Variants in SPOCK1 observed in about 807,000 individuals in gnomAD.
SPOCK1 encodes SPARC (osteonectin), cwcv and kazal like domains proteoglycan 1, also known as testican-1.
A neutral mutation model predicts 55.3 loss-of-function variants in SPOCK1; 23 were observed. The observed-to-expected ratio is 0.42, with a 90% CI of 0.30 to 0.59. The LOEUF (loss-of-function observed/expected upper bound fraction) is 0.59. Among genes scored for constraint, SPOCK1 ranks in the 20% least tolerant of loss-of-function variants. The pLI, the probability that SPOCK1 is intolerant of heterozygous loss-of-function variation, is 0.22. For missense variants in SPOCK1, 499 were observed against 552.5 expected, an observed-to-expected ratio of 0.90 and a Z score of 0.97; for synonymous variants, 226 against 221.0, an observed-to-expected ratio of 1.02 and a Z score of -0.20.
At chr5:136,989,919 C>CT (rs371960303) in intron 7 of SPOCK1, among the ~76,000 whole-genome samples, 22 of 151,214 alleles carry the variant, frequency 1.5e-4, no homozygotes, top group East Asian at 3.9e-4. Context: ...TGTACCCACT[C>CT]TTTTTTTTTG....
rs1339433683 is a variant in SPOCK1 at position 136,976,770 on chromosome 5, G to GTTAT, written c.*1880_*1883dup. ...GGGAAAGTAAGTACAAAACCTCAGG[G>GTTAT]TTATTTACGAAGCCAAAGGACTTTG... On this transcript the variant is annotated 3_prime_UTR_variant, in exon 11 of 11. Coordinates refer to ENST00000394945, the MANE Select transcript of SPOCK1 (RefSeq NM_004598.4). 1 of 152,154 alleles carries GTTAT rather than the reference G, an allele frequency of 6.6e-6. No homozygotes were observed. The highest frequency in any genetic ancestry group is 1.5e-5 in the Non-Finnish European group (1 of 68,030). The allele number at this position is 152,154 out of a possible 1,614,324, so 9.4% of individuals were successfully genotyped here.
chr5:137,037,672 G>A (rs984188666), intron 6 of SPOCK1, among the ~76,000 whole-genome samples: 1 of 152,128 alleles, frequency 6.6e-6, no homozygotes, highest in Non-Finnish European at 1.5e-5. Flanking sequence ...TTTCTCTGGG[G>A]TGAGCTGTAT....
chr5:137,251,162 C>CA (rs1245876215), intron 3 of SPOCK1, among the ~76,000 whole-genome samples: 1 of 152,168 alleles, frequency 6.6e-6, no homozygotes, highest in Non-Finnish European at 1.5e-5. Flanking sequence ...AAAGACCACA[C>CA]AGCTGTCTGA....
At chr5:137,457,856 A>T (rs1753398312) in intron 2 of SPOCK1, among the ~76,000 whole-genome samples, 1 of 152,224 alleles carries the variant, frequency 6.6e-6, no homozygotes, top group Non-Finnish European at 1.5e-5. Flanking sequence ...AGTTTTAAAC[A>T]AAGTGGGAGC....
At chr5:137,486,067 A>G (rs1425187754) in intron 2 of SPOCK1, among the ~76,000 whole-genome samples, 3 of 152,132 alleles carry the variant, frequency 2.0e-5, no homozygotes, top group Non-Finnish European at 4.4e-5. Flanking sequence ...TTATTCCTCC[A>G]TTTACTACAG....
chr5:137,345,014 G>A (rs949389677), intron 2 of SPOCK1, among the ~76,000 whole-genome samples: 1 of 152,126 alleles, frequency 6.6e-6, no homozygotes, highest in Non-Finnish European at 1.5e-5. Context: ...ACTTCTCCAC[G>A]AAAATACAAT....
At chr5:137,075,547 T>A (rs1473183035) in intron 5 of SPOCK1, among the ~76,000 whole-genome samples, 1 of 152,278 alleles carries the variant, frequency 6.6e-6, no homozygotes, top group East Asian at 1.9e-4. Context: ...GCTCATTTTC[T>A]TACCTTGTTT....
intron 5 of SPOCK1, among the ~76,000 whole-genome samples, chr5:137,075,675 A>C (rs1468298053): frequency 6.6e-6 from 1 of 152,184 alleles, no homozygotes; most frequent in Non-Finnish European, 1.5e-5. Flanking sequence ...AGTTTCTCTA[A>C]ACTGTGTGAC....
intron 3 of SPOCK1, among the ~76,000 whole-genome samples, chr5:137,199,806 C>G (rs1342477118): frequency 6.6e-6 from 1 of 152,154 alleles, no homozygotes; most frequent in African/African-American, 2.4e-5. Flanking sequence ...ACATGCCCAA[C>G]CTGGGTCCCT....
intron 2 of SPOCK1, among the ~76,000 whole-genome samples, chr5:137,491,542 G>A (rs1208237623): frequency 1.3e-5 from 2 of 152,266 alleles, no homozygotes; most frequent in African/African-American, 4.8e-5. Context: ...TCTGAGTGGG[G>A]CTCTGTGGTA....
At chr5:137,120,612 G>A (rs1580761109) in intron 4 of SPOCK1, among the ~76,000 whole-genome samples, 1 of 152,156 alleles carries the variant, frequency 6.6e-6, no homozygotes, top group Non-Finnish European at 1.5e-5. Flanking sequence ...TGAGTAAAGA[G>A]GCACACACCA....
chr5:137,404,098 C>G (rs1172635503), intron 2 of SPOCK1, among the ~76,000 whole-genome samples: 1 of 152,202 alleles, frequency 6.6e-6, no homozygotes, highest in Non-Finnish European at 1.5e-5. Context: ...CAATAACTCA[C>G]TGAGCGTATC....
chr5:137,424,838 T>C (rs536034831), intron 2 of SPOCK1, among the ~76,000 whole-genome samples: 42 of 152,308 alleles, frequency 2.8e-4, no homozygotes, highest in Middle Eastern at 3.4e-3. Flanking sequence ...GGACTGAGTA[T>C]AAAGGGGCAT....
At chr5:137,175,979 C>T (rs959118052) in intron 3 of SPOCK1, among the ~76,000 whole-genome samples, 1 of 152,120 alleles carries the variant, frequency 6.6e-6, no homozygotes, top group African/African-American at 2.4e-5. Context: ...TTGCACTGCC[C>T]ACATGTATTT....
chr5:137,325,349 T>G (rs1337288553), intron 2 of SPOCK1, among the ~76,000 whole-genome samples: 1 of 152,174 alleles, frequency 6.6e-6, no homozygotes, highest in Non-Finnish European at 1.5e-5. Context: ...GGAAGCCACA[T>G]GGTTTCTGGC....
At chr5:137,070,461 G>A (rs1193714912) in intron 5 of SPOCK1, among the ~76,000 whole-genome samples, 1 of 152,164 alleles carries the variant, frequency 6.6e-6, no homozygotes, top group Non-Finnish European at 1.5e-5. Flanking sequence ...ACAGAGCCCT[G>A]GCATAGAGTA....
intron 8 of SPOCK1, among the ~76,000 whole-genome samples, chr5:136,987,274 T>C (rs1561571625): frequency 6.6e-6 from 1 of 152,176 alleles, no homozygotes; most frequent in Non-Finnish European, 1.5e-5. Flanking sequence ...GCATGAACTG[T>C]AATTTGGGAA....
At chr5:137,085,108 G>A (rs1170756961) in intron 5 of SPOCK1, among the ~76,000 whole-genome samples, 1 of 152,146 alleles carries the variant, frequency 6.6e-6, no homozygotes, top group Non-Finnish European at 1.5e-5. Context: ...AGAACCTTCA[G>A]TGCTGAGAGT....
At chr5:137,068,013 A>C (rs572435778) in intron 5 of SPOCK1, among the ~76,000 whole-genome samples, 184 bp from the exon 6 acceptor site, 1 of 152,328 alleles carries the variant, frequency 6.6e-6, no homozygotes, top group African/African-American at 2.4e-5. Context: ...ATTTTACCAA[A>C]TGCAGAGGAT....
Sources: gnomAD v4.1 joint callset for allele counts (sites outside exome capture counted in the v4.1 genomes callset) on GRCh38, gnomAD v4.1.1 for gene constraint, MANE v1.5 for transcripts, NCBI Gene and HGNC (gene_info 2026-07-23, HGNC 2026-07-21) for gene names.